PLCL2: variants seen among roughly 807,000 people sequenced by gnomAD.
PLCL2 encodes the protein phospholipase C like 2.
In PLCL2, 4 loss-of-function variants were observed where a neutral mutation model predicts 79.6. That is an observed-to-expected ratio of 0.05 (90% CI 0.02 to 0.11). PLCL2 has a LOEUF of 0.11. Among genes scored for constraint, PLCL2 ranks in the 10% least tolerant of loss-of-function variants. The pLI, the probability that PLCL2 is intolerant of heterozygous loss-of-function variation, is 1.00. For synonymous variants in PLCL2, 484 were observed against 457.7 expected, an observed-to-expected ratio of 1.06 and a Z score of -0.73; for missense variants, 895 against 1,291.0, an observed-to-expected ratio of 0.69 and a Z score of 4.70.
At chr3:16,973,747 A>G (rs1438196134) in intron 1 of PLCL2, among the ~76,000 whole-genome samples, 2 of 152,092 alleles carry the variant, frequency 1.3e-5, no homozygotes, top group Non-Finnish European at 2.9e-5. Flanking sequence ...GCAAATTTTT[A>G]TTTAGGTTTG....
intron 4 of PLCL2, among the ~76,000 whole-genome samples, chr3:17,056,729 C>CA (rs1232357965): frequency 2.6e-5 from 4 of 151,592 alleles, no homozygotes; most frequent in East Asian, 1.9e-4. Flanking sequence ...ATTGGAGATG[C>CA]AAAAAAAGGA....
At chr3:17,035,003 T>C (rs369591096) in intron 3 of PLCL2, among the ~76,000 whole-genome samples, 1 of 152,196 alleles carries the variant, frequency 6.6e-6, no homozygotes, top group Admixed American at 6.5e-5. Flanking sequence ...ATACTAGTTA[T>C]TATTCTCTCT....
Position 16,896,669 on chromosome 3 carries a change from G to A in PLCL2, c.327+11303G>A, listed in dbSNP as rs78447717. On this transcript the variant is annotated intron_variant, in intron 1 of 5. Transcript: ENST00000615277. ...AGCAAAACCAGTTATCCAGATATAC[G>A]GACAAAATGGAGAGTTGTTTGATCA... Among the ~76,000 whole-genome samples, 573 of 152,116 alleles carry A rather than the reference G, an allele frequency of 3.8e-3. 2 individuals are homozygous for A. The highest frequency in any genetic ancestry group is 0.013 in the African/African-American group (554 of 41,480).
chr3:17,054,016 C>T (rs1471926542), intron 4 of PLCL2, among the ~76,000 whole-genome samples: 1 of 152,130 alleles, frequency 6.6e-6, no homozygotes, highest in Admixed American at 6.6e-5. Context: ...CAAATTTTTC[C>T]AACTTTTATG....
chr3:17,044,985 T>A (rs865864253), intron 4 of PLCL2, among the ~76,000 whole-genome samples: 1 of 152,200 alleles, frequency 6.6e-6, no homozygotes, highest in African/African-American at 2.4e-5. Context: ...TTTAGAAGCG[T>A]GTAAAGATTA....
At chr3:17,056,599 G>C (rs1166567869) in intron 4 of PLCL2, among the ~76,000 whole-genome samples, 1 of 152,076 alleles carries the variant, frequency 6.6e-6, no homozygotes, top group Non-Finnish European at 1.5e-5. Context: ...TTTTAGTATA[G>C]GTCACTGTAT....
intron 1 of PLCL2, among the ~76,000 whole-genome samples, chr3:16,995,010 G>A (rs2124998388): frequency 1.3e-5 from 2 of 152,292 alleles, no homozygotes; most frequent in Middle Eastern, 6.8e-3. Flanking sequence ...GTGCCTGCAG[G>A]GCTCCCCTTC....
intron 1 of PLCL2, among the ~76,000 whole-genome samples, chr3:16,945,924 CT>C (rs2063596100): frequency 6.6e-6 from 1 of 152,184 alleles, no homozygotes; most frequent in Non-Finnish European, 1.5e-5. Flanking sequence ...TTTTCACTTT[CT>C]CTTAGAGTTA....
intron 3 of PLCL2, among the ~76,000 whole-genome samples, chr3:17,023,080 G>A (rs182746820): frequency 7.2e-5 from 11 of 152,220 alleles, no homozygotes; most frequent in African/African-American, 2.6e-4. Flanking sequence ...AACATCTAAA[G>A]CCACCATCCT....
chr3:17,062,531 G>A (rs991852764), intron 4 of PLCL2, among the ~76,000 whole-genome samples: 1 of 152,146 alleles, frequency 6.6e-6, no homozygotes, highest in Non-Finnish European at 1.5e-5. Flanking sequence ...CTGCCCCAAA[G>A]TGTTACGTTT....
In PLCL2 at chr3:17,016,908, G is replaced by A. The variant is rs114963380; in HGVS notation, c.3018+1997G>A. Among the ~76,000 whole-genome samples, 900 of 152,230 alleles carry A rather than the reference G, an allele frequency of 5.9e-3. 11 individuals carry two copies. Among genetic ancestry groups the A allele is most frequent in the African/African-American group, 0.021 (855 of 41,534 alleles). On this transcript the variant is annotated intron_variant, in intron 3 of 5. Transcript: ENST00000615277. ...TCATACAGTGACATTTCTTCATGGC[G>A]AGCTTTTTAACAGGGACTTCTTGAG...
chr3:17,085,124 ATTTCT>A lies in PLCL2; in HGVS notation c.3205-4605_3205-4601del, dbSNP rs370971266. Among the ~76,000 whole-genome samples the A allele has an allele frequency of 2.6e-5, 4 of 151,858 alleles. No individual in the cohort carries two copies. In the East Asian group the frequency reaches 5.8e-4, roughly 22 times the overall value. ...AAGGTTAGTATACAAAAATCAATTG[ATTTCT>A]TTTTTTAAGAAAAAAAAAATTTTGA... On this transcript the variant is annotated intron_variant, in intron 5 of 5. Coordinates refer to ENST00000615277, the MANE Select transcript of PLCL2 (RefSeq NM_001144382.2).
At chr3:16,890,147 G>C (rs1696313456) in intron 1 of PLCL2, among the ~76,000 whole-genome samples, 1 of 152,174 alleles carries the variant, frequency 6.6e-6, no homozygotes, top group Non-Finnish European at 1.5e-5. Flanking sequence ...TCACAATTCA[G>C]TTTAGGTTTT....
chr3:16,929,314 A>G (rs115904320), intron 1 of PLCL2, among the ~76,000 whole-genome samples: 3,202 of 152,246 alleles, frequency 0.021, 54 homozygotes, highest in South Asian at 0.043. Flanking sequence ...ATGAGAGTTT[A>G]GTGGACCATT....
chr3:16,983,645 C>T (rs1305460093), intron 1 of PLCL2, among the ~76,000 whole-genome samples: 2 of 151,810 alleles, frequency 1.3e-5, no homozygotes, highest in Non-Finnish European at 2.9e-5. Flanking sequence ...CTCAAAAAAA[C>T]AAAAAAAGAA....
At chr3:17,035,268 C>T (rs2064634615) in intron 3 of PLCL2, among the ~76,000 whole-genome samples, 1 of 149,670 alleles carries the variant, frequency 6.7e-6, no homozygotes, top group Non-Finnish European at 1.5e-5. Context: ...TTAAAGGAAC[C>T]GTAAAGCACT....
intron 3 of PLCL2, among the ~76,000 whole-genome samples, chr3:17,039,770 C>T (rs1048476437): frequency 6.6e-6 from 1 of 152,154 alleles, no homozygotes; most frequent in South Asian, 2.1e-4. Flanking sequence ...TACTTGCAAA[C>T]CTAGGAGGAA....
intron 1 of PLCL2, among the ~76,000 whole-genome samples, chr3:16,932,928 C>G (rs1452872163): frequency 6.6e-6 from 1 of 152,120 alleles, no homozygotes; most frequent in African/African-American, 2.4e-5. Flanking sequence ...TTCTTTAGTT[C>G]ATCCATTCAT....
chr3:17,027,022 C>T (rs2064524499), intron 3 of PLCL2, among the ~76,000 whole-genome samples: 1 of 152,008 alleles, frequency 6.6e-6, no homozygotes, highest in South Asian at 2.1e-4. Context: ...AAAACTAAGC[C>T]CTGTCTTTAT....
Sources: gnomAD v4.1 joint callset for allele counts (sites outside exome capture counted in the v4.1 genomes callset) on GRCh38, gnomAD v4.1.1 for gene constraint, MANE v1.5 for transcripts, NCBI Gene and HGNC (gene_info 2026-07-23, HGNC 2026-07-21) for gene names.